The following CETP variants were observed in gnomAD, a reference collection of about 807,000 sequenced individuals.
The protein encoded by CETP is BPI fold containing family F.
A neutral mutation model predicts 66.5 loss-of-function variants in CETP; 56 were observed. That is an observed-to-expected ratio of 0.84 (90% CI 0.68 to 1.05). CETP has a LOEUF of 1.05. Ranked by LOEUF, CETP falls within the 50% of genes least tolerant of loss-of-function variation. The probability of loss-of-function intolerance (pLI) is 0.00; values close to 1 mark genes in which losing one functional copy is unlikely to be tolerated. For synonymous variants in CETP, 251 were observed against 245.7 expected (o/e 1.02, Z -0.20); for missense variants, 612 against 609.6 (o/e 1.00, Z -0.04).
chr16:56,971,960 T>G, intron 7 of CETP, 32 bp from the exon 8 acceptor site: 1 of 1,590,554 alleles, frequency 6.3e-7, no homozygotes, highest in Non-Finnish European at 8.6e-7. Flanking sequence ...TCCCCCATCC[T>G]GAGGCCCTGC....
intron 6 of CETP, 37 bp downstream of exon 6, chr16:56,971,139 C>T (rs775450632): frequency 2.0e-5 from 32 of 1,587,528 alleles, no homozygotes; most frequent in South Asian, 9.9e-5. Flanking sequence ...GGTCCAGGGC[C>T]ATGCCCAGGA....
chr16:56,974,275 A>G (rs569738585), intron 9 of CETP, among the ~76,000 whole-genome samples: 1 of 152,340 alleles, frequency 6.6e-6, no homozygotes, highest in Admixed American at 6.5e-5. Flanking sequence ...CCCTGTCTCT[A>G]CAAAAATAAA....
chr16:56,974,825 C>T (rs910115814), intron 9 of CETP, among the ~76,000 whole-genome samples: 1 of 152,152 alleles, frequency 6.6e-6, no homozygotes, highest in Non-Finnish European at 1.5e-5. Flanking sequence ...TGTCATTGAA[C>T]TCATGAGGAA....
chr16:56,978,118 C>T lies in CETP; in HGVS notation c.1009C>T (p.Gln337Ter). The change falls in exon 11 of 16, where the codon CAA (glutamine) becomes TAA (stop). Residue 337 changes from glutamine (Q) to a stop codon, truncating the protein, a stop_gained. Transcript: ENST00000200676. LOFTEE classifies it high-confidence loss of function. ...TGTCGGCGGCTTCCCCAGCCAGGCC[C>T]AAGTCACCGTCCACTGCCTCAAGAT... Reference protein sequence around the residue: ...EVVGGFPSQAQVTVHCLKMPK... With the variant: ...EVVGGFPSQA 1 of 1,614,264 alleles carries T rather than the reference C, an allele frequency of 6.2e-7. No homozygotes were observed. The highest frequency in any genetic ancestry group is 1.1e-5 in the South Asian group (1 of 91,088).
Position 56,962,014 on chromosome 16 carries a change from T to G in CETP, c.35T>G (p.Leu12Arg), listed in dbSNP as rs1403262620. ...LAATVLTLALLGNAHACSKGT... is the reference protein window; with the variant it reads ...LAATVLTLALRGNAHACSKGT... ...GCCACAGTCCTGACCCTGGCCCTGC[T>G]GGGCAATGCCCATGCCTGCTCCAAA... Residue 12 changes from leucine (L) to arginine (R), a missense_variant, in exon 1 of 16, where the codon CTG becomes CGG. Leu to Arg is a moderately radical substitution (Grantham distance 102). Coordinates refer to ENST00000200676, the MANE Select transcript of CETP (RefSeq NM_000078.3). The G allele has an allele frequency of 6.2e-7, 1 of 1,614,110 alleles. No homozygotes were observed. The highest frequency in any genetic ancestry group is 8.5e-7 in the Non-Finnish European group (1 of 1,180,012).
At chr16:56,981,497 C>T in intron 12 of CETP, 150 bp from the exon 13 acceptor site, 2 of 1,021,422 alleles carry the variant, frequency 2.0e-6, no homozygotes, top group Non-Finnish European at 1.5e-6. Context: ...TAGCAAATCT[C>T]AAGGGAATAG....
In CETP at chr16:56,970,074, G is replaced by C. The variant is rs1242067629; in HGVS notation, c.527+73G>C. 5 of 1,408,228 alleles carry C rather than the reference G, an allele frequency of 3.6e-6. No homozygotes were observed. In the African/African-American group the frequency reaches 7.1e-5, roughly 20 times the overall value. The allele number at this position is 1,408,228 out of a possible 1,614,324, so 87.2% of individuals were successfully genotyped here. On this transcript the variant is annotated intron_variant, in intron 5 of 15. Transcript: ENST00000200676. ...TTAGTGTGTCCACGGCTCCTTCCAG[G>C]CTCAACCCCACACAGGGCATGCTTG...
At chr16:56,977,284 T>C (rs1381396118) in intron 10 of CETP, among the ~76,000 whole-genome samples, 3 of 152,158 alleles carry the variant, frequency 2.0e-5, no homozygotes, top group Non-Finnish European at 2.9e-5. Flanking sequence ...GTTCAGTGGT[T>C]TCTTGGGGCA....
chr16:56,963,966 G>A (rs1815719133), intron 2 of CETP, among the ~76,000 whole-genome samples: 2 of 150,926 alleles, frequency 1.3e-5, no homozygotes, highest in African/African-American at 4.9e-5. Context: ...ACCACGCCTG[G>A]CCCTTTATCT....
intron 12 of CETP, 113 bp downstream of exon 12, chr16:56,981,338 G>A: frequency 1.1e-6 from 1 of 895,248 alleles, no homozygotes; most frequent in Non-Finnish European, 1.9e-6. Context: ...CTTTCTTCTG[G>A]GGCATATGGG....
At chr16:56,981,714 T>G in intron 13 of CETP, 34 bp downstream of exon 13, 1 of 1,610,070 alleles carries the variant, frequency 6.2e-7, no homozygotes, top group Non-Finnish European at 8.5e-7. Flanking sequence ...GGGAAATAAG[T>G]CCTGTGGGAC....
chr16:56,973,346 A>C lies in CETP; in HGVS notation c.766A>C (p.Lys256Gln). The change falls in exon 9 of 16, where the codon AAG becomes CAG. Residue 256 changes from lysine to glutamine, a missense_variant. Lys to Gln is a moderately conservative substitution (Grantham distance 53, BLOSUM62 1). Transcript: ENST00000200676. ...ESHHKGHFIY[K>Q]NVSEDLPLPT... Reference sequence around the variant, plus strand: ...CTTCCTCCAGGGTCATTTCATCTACAAGAATGTCTCAGAGGACCTCCCCCT... The same window carrying C: ...CTTCCTCCAGGGTCATTTCATCTACCAGAATGTCTCAGAGGACCTCCCCCT... The C allele has an allele frequency of 6.2e-7, 1 of 1,614,108 alleles. No homozygotes were observed. Among genetic ancestry groups the C allele is most frequent in the Non-Finnish European group, 8.5e-7 (1 of 1,180,014 alleles).
intron 5 of CETP, 107 bp from the exon 6 acceptor site, chr16:56,970,926 A>G: frequency 9.8e-7 from 1 of 1,017,246 alleles, no homozygotes; most frequent in South Asian, 1.3e-5. Flanking sequence ...TTCCTGAGCT[A>G]CAAGAGTCAG....
In CETP at chr16:56,975,112, G is replaced by A. The variant is rs961642393; in HGVS notation, c.942G>A (p.Glu314=). 3 of 1,614,134 alleles carry A rather than the reference G, an allele frequency of 1.9e-6. No individual in the cohort carries two copies. Among genetic ancestry groups the A allele is most frequent in the Non-Finnish European group, 2.5e-6 (3 of 1,179,990 alleles). Residue 314 remains glutamate, a synonymous_variant, in exon 10 of 16, where the codon GAG becomes GAA. Coordinates refer to ENST00000200676, the MANE Select transcript of CETP (RefSeq NM_000078.3). The stretch of plus-strand genomic sequence containing the variant: ...TCATTTCTTTTCAGGCAGTGCTGGA[G>A]ACCTGGGGCTTCAACACCAACCAGG... ...LMGDEFKAVL[E]TWGFNTNQEI...
chr16:56,981,608 C>T (rs1174459088), intron 12 of CETP, 39 bp from the exon 13 acceptor site: 2 of 1,611,252 alleles, frequency 1.2e-6, no homozygotes, highest in Non-Finnish European at 8.5e-7. Context: ...AGGAGGGGGC[C>T]CAATGGAGGG....
chr16:56,969,629 C>G lies in CETP; in HGVS notation c.387C>G (p.Ser129=). 1 of 1,614,164 alleles carries G rather than the reference C, an allele frequency of 6.2e-7. No individual in the cohort carries two copies. Among genetic ancestry groups the G allele is most frequent in the Admixed American group, 1.7e-5 (1 of 60,026 alleles). ...TTAWWLGIDQ[S]IDFEIDSAID... ...TTTCCAGGCTGGGTATTGATCAGTC[C>G]ATTGACTTCGAGATCGACTCTGCCA... is the stretch of plus-strand genomic sequence containing the variant. Residue 129 remains serine (S), a synonymous_variant, in exon 4 of 16, where the codon TCC becomes TCG. Coordinates refer to ENST00000200676, the MANE Select transcript of CETP (RefSeq NM_000078.3).
rs2056205306 is a variant in CETP at position 56,983,728 on chromosome 16, G to A, written c.*62G>A. 2.0e-6 allele frequency: 3 copies of A among 1,472,860 alleles called. No homozygotes were observed. Among genetic ancestry groups the A allele is most frequent in the Non-Finnish European group, 2.9e-6 (3 of 1,051,618 alleles). 91.2% of individuals were successfully genotyped at this position (1,472,860 alleles called of 1,614,324 possible). A position where few individuals can be genotyped will look rare whatever the true frequency, so the allele number is the denominator to read the frequency against. Reference sequence around the variant, plus strand: ...AAGGCAAGCACCAGGCTCACAGCTGGAACCCTGGTGTCTCCTCCAGCGTGG... The same window carrying A: ...AAGGCAAGCACCAGGCTCACAGCTGAAACCCTGGTGTCTCCTCCAGCGTGG... On this transcript the variant is annotated 3_prime_UTR_variant, in exon 16 of 16. Coordinates refer to ENST00000200676, the MANE Select transcript of CETP (RefSeq NM_000078.3).
Position 56,971,221 on chromosome 16 carries a change from C to T in CETP, c.598-100C>T, listed in dbSNP as rs2056107452. 11 of 1,513,066 alleles carry T rather than the reference C, an allele frequency of 7.3e-6. No homozygotes were observed. In the South Asian group the frequency reaches 1.0e-4, roughly 14 times the overall value. 93.7% of individuals were successfully genotyped at this position (1,513,066 alleles called of 1,614,324 possible). On this transcript the variant is annotated intron_variant, in intron 6 of 15. Coordinates refer to ENST00000200676, the MANE Select transcript of CETP (RefSeq NM_000078.3). ...CCACCTTCTCCATGTGGCCAGTCCC[C>T]TGTGCCGGTCCCCAGCACTGCCACC...
chr16:56,975,280 C>T lies in CETP; in HGVS notation c.981+129C>T, dbSNP rs1470663002. 31 of 798,756 alleles carry T rather than the reference C, an allele frequency of 3.9e-5. 1 individual carries two copies. The highest frequency in any genetic ancestry group is 7.6e-5 in the South Asian group (5 of 65,968). 49.5% of individuals were successfully genotyped at this position (798,756 alleles called of 1,614,324 possible). A position where few individuals can be genotyped will look rare whatever the true frequency, so the allele number is the denominator to read the frequency against. On this transcript the variant is annotated intron_variant, in intron 10 of 15. Coordinates refer to ENST00000200676, the MANE Select transcript of CETP (RefSeq NM_000078.3). ...TATAACAGCGAACACAGCTCCTACT[C>T]GGTTGTTCGGCATGGAGTGAAGCAC...
Sources: gnomAD v4.1 joint callset for allele counts (sites outside exome capture counted in the v4.1 genomes callset) on GRCh38, gnomAD v4.1.1 for gene constraint, MANE v1.5 for transcripts, NCBI Gene and HGNC (gene_info 2026-07-23, HGNC 2026-07-21) for gene names.